ARHGAP28: variants seen among roughly 807,000 people sequenced by gnomAD.
ARHGAP28 encodes the protein rho GTPase-activating protein 28.
Under a neutral mutation model 90.7 loss-of-function variants are expected in ARHGAP28, and 56 were observed. The observed-to-expected ratio is 0.62, with a 90% CI of 0.50 to 0.77. ARHGAP28 has a LOEUF of 0.77. ARHGAP28 is among the 30% of genes least tolerant of loss of function. The probability of loss-of-function intolerance (pLI) is 0.00; values close to 1 mark genes in which losing one functional copy is unlikely to be tolerated. For missense variants in ARHGAP28, 869 were observed against 900.9 expected, an observed-to-expected ratio of 0.96 and a Z score of 0.45; for synonymous variants, 308 against 323.3, an observed-to-expected ratio of 0.95 and a Z score of 0.51.
intron 1 of ARHGAP28, among the ~76,000 whole-genome samples, chr18:6,814,227 G>C (rs945610266): frequency 3.9e-5 from 6 of 152,164 alleles, no homozygotes; most frequent in Non-Finnish European, 8.8e-5. Flanking sequence ...GTTTGAAGCT[G>C]AGCTGAAGTG....
intron 5 of ARHGAP28, among the ~76,000 whole-genome samples, chr18:6,864,137 C>T (rs1441638210): frequency 1.3e-5 from 2 of 152,132 alleles, no homozygotes; most frequent in East Asian, 1.9e-4. Context: ...GCGATCTTGG[C>T]TCACTGAAAC....
chr18:6,791,838 G>A (rs72893655), intron 1 of ARHGAP28, among the ~76,000 whole-genome samples: 3 of 148,650 alleles, frequency 2.0e-5, no homozygotes, highest in Middle Eastern at 3.5e-3. Context: ...TTAATTTGTG[G>A]GTTTTTTTTG....
chr18:6,893,148 A>G (rs889042114), intron 14 of ARHGAP28, among the ~76,000 whole-genome samples: 4 of 152,190 alleles, frequency 2.6e-5, no homozygotes, highest in African/African-American at 9.6e-5. Context: ...CGTTTTTGAC[A>G]TTACACCCCT....
At chr18:6,828,025 GC>G (rs1228807849) in intron 2 of ARHGAP28, among the ~76,000 whole-genome samples, 37 of 152,268 alleles carry the variant, frequency 2.4e-4, no homozygotes, top group South Asian at 1.7e-3. Flanking sequence ...GTTGTAGCGA[GC>G]CGAGATCACG....
chr18:6,799,177 T>G (rs1413870402), intron 1 of ARHGAP28, among the ~76,000 whole-genome samples: 1 of 152,234 alleles, frequency 6.6e-6, no homozygotes, highest in African/African-American at 2.4e-5. Context: ...TGGTGACTTG[T>G]CTTTTTAAAT....
chr18:6,781,803 T>C (rs954239076), intron 1 of ARHGAP28, among the ~76,000 whole-genome samples: 1 of 152,090 alleles, frequency 6.6e-6, no homozygotes, highest in African/African-American at 2.4e-5. Context: ...GATGGGGTGG[T>C]AAAAAAAACT....
intron 1 of ARHGAP28, among the ~76,000 whole-genome samples, chr18:6,796,893 A>C (rs1256662057): frequency 6.6e-6 from 1 of 152,104 alleles, no homozygotes; most frequent in African/African-American, 2.4e-5. Context: ...ATGATTCTTA[A>C]ATTAAGAAAT....
intron 1 of ARHGAP28, chr18:6,730,236 T>TATATATATATATATATATATATATACAC (rs767639864): frequency 1.0e-5 from 2 of 198,684 alleles, no homozygotes; most frequent in African/African-American, 4.9e-5. Flanking sequence ...TATATATATA[T>TATATATATATATATATATATATATACAC]ACCTCATTTC....
chr18:6,800,748 T>A (rs1226786224), intron 1 of ARHGAP28, among the ~76,000 whole-genome samples: 1 of 152,098 alleles, frequency 6.6e-6, no homozygotes, highest in Non-Finnish European at 1.5e-5. Context: ...TTAGGAGAAA[T>A]ATCTAATGTA....
At chr18:6,863,551 C>T (rs1406564158) in intron 5 of ARHGAP28, among the ~76,000 whole-genome samples, 2 of 151,750 alleles carry the variant, frequency 1.3e-5, no homozygotes, top group African/African-American at 4.8e-5. Flanking sequence ...CAGGATTAGT[C>T]TACACATACA....
intron 16 of ARHGAP28, among the ~76,000 whole-genome samples, chr18:6,902,236 T>G (rs2057342084): frequency 6.6e-6 from 1 of 152,128 alleles, no homozygotes; most frequent in African/African-American, 2.4e-5. Context: ...CTGAATAAAG[T>G]ATGGACTTTA....
At chr18:6,884,073 G>T (rs572501374) in intron 11 of ARHGAP28, among the ~76,000 whole-genome samples, 1 of 151,980 alleles carries the variant, frequency 6.6e-6, no homozygotes, top group Non-Finnish European at 1.5e-5. Flanking sequence ...TACAATAGCT[G>T]CTTCAAAATC....
At chr18:6,753,299 T>C (rs2056084677) in intron 1 of ARHGAP28, among the ~76,000 whole-genome samples, 2 of 152,242 alleles carry the variant, frequency 1.3e-5, no homozygotes, top group African/African-American at 4.8e-5. Flanking sequence ...GAGCCACTGC[T>C]CTTGTCTAAA....
intron 16 of ARHGAP28, among the ~76,000 whole-genome samples, chr18:6,899,250 A>G (rs1012481909): frequency 8.5e-5 from 13 of 152,126 alleles, no homozygotes; most frequent in Non-Finnish European, 1.3e-4. Flanking sequence ...ACTCTCCCTT[A>G]CAACTAGAAA....
intron 1 of ARHGAP28, among the ~76,000 whole-genome samples, chr18:6,808,401 GTCTT>G (rs1427892191): frequency 1.3e-5 from 2 of 151,724 alleles, no homozygotes; most frequent in African/African-American, 2.4e-5. Context: ...TCATCTCTGT[GTCTT>G]TCTATTGAGA....
intron 10 of ARHGAP28, among the ~76,000 whole-genome samples, chr18:6,880,368 T>C (rs543248592): frequency 6.6e-5 from 10 of 152,304 alleles, no homozygotes; most frequent in Admixed American, 2.6e-4. Flanking sequence ...TATCCCTCCC[T>C]GGAAGTGGTG....
chr18:6,867,959 A>G (rs540628632), intron 5 of ARHGAP28, among the ~76,000 whole-genome samples, 191 bp from the exon 6 acceptor site: 1 of 152,310 alleles, frequency 6.6e-6, no homozygotes, highest in Non-Finnish European at 1.5e-5. Flanking sequence ...TTTGTGAAAC[A>G]TGTGTAAGCT....
intron 8 of ARHGAP28, 39 bp from the exon 9 acceptor site, chr18:6,873,645 T>G (rs371871112): frequency 3.4e-5 from 54 of 1,607,430 alleles, no homozygotes; most frequent in Admixed American, 1.7e-4. Context: ...GCTTTTCTAA[T>G]TCTTTTTTTT....
At chr18:6,883,501 T>C (rs532695115) in intron 11 of ARHGAP28, among the ~76,000 whole-genome samples, 1 of 152,198 alleles carries the variant, frequency 6.6e-6, no homozygotes, top group African/African-American at 2.4e-5. Flanking sequence ...ACCCTCCAAA[T>C]TGCTGGGATT....
Sources: allele counts gnomAD v4.1 joint callset (sites outside exome capture counted in the v4.1 genomes callset), GRCh38; gene constraint gnomAD v4.1.1; transcripts MANE v1.5; gene names NCBI Gene and HGNC (gene_info 2026-07-23, HGNC 2026-07-21).